The following CDC27 variants were observed in gnomAD, a reference collection of about 807,000 sequenced individuals.
The protein encoded by CDC27 is cell division cycle protein 27 homolog.
Under a neutral mutation model 109.7 loss-of-function variants are expected in CDC27, and 27 were observed. The observed-to-expected ratio is 0.25, with a 90% confidence interval of 0.18 to 0.34. The LOEUF (loss-of-function observed/expected upper bound fraction) is 0.34, where lower values mean the gene tolerates loss of function less well. Ranked by LOEUF, CDC27 falls within the 10% of genes least tolerant of loss-of-function variation. CDC27 has a pLI of 1.00. For synonymous variants in CDC27, 266 were observed against 333.9 expected (o/e 0.80, Z 2.22); for missense variants, 579 against 960.2 (o/e 0.60, Z 5.25).
chr17:47,155,453 C>T (rs1233895997), intron 7 of CDC27, among the ~76,000 whole-genome samples: 1 of 152,050 alleles, frequency 6.6e-6, no homozygotes, highest in East Asian at 1.9e-4. Flanking sequence ...ACCATGTTGG[C>T]CAGACTGGTC....
At position 47,157,122 on chromosome 17, in the gene CDC27, T is replaced by C; in HGVS notation, c.633A>G (p.Glu211=). 1.3e-6 allele frequency: 2 copies of C among 1,557,308 alleles called. No homozygotes were observed. The highest frequency in any genetic ancestry group is 1.7e-6 in the Non-Finnish European group (2 of 1,144,998). The change falls in exon 7 of 19, where the codon GAA becomes GAG. Residue 211 remains glutamate, a splice_region_variant and synonymous_variant. Transcript: ENST00000066544. ...VLTETPQDTI[E]LNRLNLESSN... ...AAGATTCTAAATTCAATCTGTTTAA[T>C]TCCTGAAACAGAAAATTTCTACCAA...
intron 2 of CDC27, among the ~76,000 whole-genome samples, chr17:47,174,265 A>C (rs2063912122): frequency 6.6e-6 from 1 of 152,230 alleles, no homozygotes; most frequent in African/African-American, 2.4e-5. Context: ...CCATAAATCT[A>C]AAAAGCACAG....
In CDC27 at chr17:47,154,654, A is replaced by C; in HGVS notation, c.957+18T>G. The C allele has an allele frequency of 7.6e-7, 1 of 1,321,318 alleles. No homozygotes were observed. Among genetic ancestry groups the C allele is most frequent in the Non-Finnish European group, 1.1e-6 (1 of 923,894 alleles). 81.8% of individuals were successfully genotyped at this position (1,321,318 alleles called of 1,614,324 possible). A position where few individuals can be genotyped will look rare whatever the true frequency, so the allele number is the denominator to read the frequency against. ...TTGCTTTAATCAATTCCCAAACTGC[A>C]TTTTACATGGAAAATACCTTTTTTG... On this transcript the variant is annotated intron_variant, in intron 8 of 18. Coordinates refer to ENST00000066544, the MANE Select transcript of CDC27 (RefSeq NM_001256.6).
intron 2 of CDC27, among the ~76,000 whole-genome samples, chr17:47,181,081 A>G (rs2064205926): frequency 6.8e-6 from 1 of 146,482 alleles, no homozygotes; most frequent in Non-Finnish European, 1.5e-5. Context: ...GCAAAACCCT[A>G]TCTCTACCAA....
chr17:47,156,131 T>C (rs1486638164), intron 7 of CDC27, among the ~76,000 whole-genome samples: 1 of 152,186 alleles, frequency 6.6e-6, no homozygotes, highest in African/African-American at 2.4e-5. Flanking sequence ...TTTCAGAGTT[T>C]TAAATTTTCC....
chr17:47,144,346 T>C, intron 9 of CDC27, among the ~76,000 whole-genome samples: 1 of 152,210 alleles, frequency 6.6e-6, no homozygotes, highest in East Asian at 1.9e-4. Flanking sequence ...AAATTCTTAA[T>C]TTGAACTAAA....
chr17:47,164,002 G>T (rs2063570219), intron 4 of CDC27, among the ~76,000 whole-genome samples: 1 of 152,200 alleles, frequency 6.6e-6, no homozygotes, highest in Non-Finnish European at 1.5e-5. Context: ...GACCTCAGGT[G>T]ATCTGCCCGC....
chr17:47,184,342 T>G (rs747901912), intron 1 of CDC27, among the ~76,000 whole-genome samples: 2 of 152,220 alleles, frequency 1.3e-5, no homozygotes, highest in African/African-American at 2.4e-5. Flanking sequence ...AATAAATATG[T>G]AGTTTCTGTT....
intron 16 of CDC27, among the ~76,000 whole-genome samples, chr17:47,127,608 G>A (rs928464919): frequency 1.7e-4 from 26 of 151,976 alleles, no homozygotes; most frequent in African/African-American, 6.3e-4. Context: ...TCACCAAGTT[G>A]GCCGGGCTGG....
chr17:47,173,317 GA>G (rs1259032523), intron 2 of CDC27, among the ~76,000 whole-genome samples: 1 of 150,740 alleles, frequency 6.6e-6, no homozygotes, highest in Non-Finnish European at 1.5e-5. Flanking sequence ...TAAATGATAA[GA>G]AATTTTGGCA....
intron 16 of CDC27, among the ~76,000 whole-genome samples, chr17:47,127,349 G>A (rs1275931770): frequency 1.3e-5 from 2 of 151,952 alleles, no homozygotes. Flanking sequence ...TAAAACTAAA[G>A]GAATTACTAG....
rs534672489 is a variant in CDC27 at position 47,147,338 on chromosome 17, G to A, written c.1071-3356C>T. Among the ~76,000 whole-genome samples, 61 of 151,794 alleles carry A rather than the reference G, an allele frequency of 4.0e-4. 1 individual carries two copies. The South Asian group carries it at 0.012, about 31-fold the overall frequency. On this transcript the variant is annotated intron_variant, in intron 9 of 18. Coordinates refer to ENST00000066544, the MANE Select transcript of CDC27 (RefSeq NM_001256.6). ...GGCGTGAACCCGGGAGGCGGAGCTT[G>A]CAGTGAGTCGAGATCGCGCCACTGC... is the stretch of plus-strand genomic sequence containing the variant.
chr17:47,164,571 C>A (rs1034377731), intron 4 of CDC27, among the ~76,000 whole-genome samples: 1 of 152,194 alleles, frequency 6.6e-6, no homozygotes, highest in African/African-American at 2.4e-5. Flanking sequence ...AATCCCAGCA[C>A]TTCGGGAGGC....
At chr17:47,148,313 T>C (rs927737293) in intron 9 of CDC27, among the ~76,000 whole-genome samples, 1 of 151,802 alleles carries the variant, frequency 6.6e-6, no homozygotes, top group Admixed American at 6.6e-5. Flanking sequence ...GTGTGGTTAA[T>C]AACAGGTCTG....
At chr17:47,122,694 GATGGAGTCTC>G in intron 17 of CDC27, 94 bp from the exon 18 acceptor site, 1 of 927,170 alleles carries the variant, frequency 1.1e-6, no homozygotes, top group Non-Finnish European at 1.5e-6. Context: ...TTATTTTTGA[GATGGAGTCTC>G]ACTCTATTAC....
chr17:47,159,930 C>T (rs111851549), intron 4 of CDC27: 13 of 385,304 alleles, frequency 3.4e-5, no homozygotes, highest in African/African-American at 1.1e-4. Flanking sequence ...CCACGAGCTC[C>T]GTGGCCTCGG....
In CDC27 at chr17:47,151,796, T is replaced by G; in HGVS notation, c.1070+10A>C. The stretch of plus-strand genomic sequence containing the variant: ...GCCAAGAAAAGTTGAATAATTACAA[T>G]GATAAATACCTTGTTTGTGGACCAG... On this transcript the variant is annotated intron_variant, in intron 9 of 18. Coordinates refer to ENST00000066544, the MANE Select transcript of CDC27 (RefSeq NM_001256.6). 6.5e-7 allele frequency: 1 copy of G among 1,537,746 alleles called. No individual in the cohort carries two copies. The highest frequency in any genetic ancestry group is 8.7e-7 in the Non-Finnish European group (1 of 1,143,518).
chr17:47,151,705 T>G, intron 9 of CDC27, 101 bp downstream of exon 9: 1 of 859,000 alleles, frequency 1.2e-6, no homozygotes, highest in Non-Finnish European at 1.7e-6. Flanking sequence ...TTTACAGTAG[T>G]TATTCTAGAA....
intron 2 of CDC27, among the ~76,000 whole-genome samples, chr17:47,172,884 T>C (rs1369478085): frequency 6.6e-6 from 1 of 152,236 alleles, no homozygotes; most frequent in East Asian, 1.9e-4. Flanking sequence ...AAAAATGGGT[T>C]ATGCAATAAT....
Sources: allele counts gnomAD v4.1 joint callset (sites outside exome capture counted in the v4.1 genomes callset), GRCh38; gene constraint gnomAD v4.1.1; transcripts MANE v1.5; gene names NCBI Gene and HGNC (gene_info 2026-07-23, HGNC 2026-07-21).